The following SKA3 variants were observed in gnomAD, a reference collection of about 807,000 sequenced individuals.
SKA3 encodes the protein spindle and kinetochore-associated protein 3.
Under a neutral mutation model 44.2 loss-of-function variants are expected in SKA3, and 39 were observed. The observed-to-expected ratio is 0.88, with a 90% CI of 0.68 to 1.15. The LOEUF (loss-of-function observed/expected upper bound fraction) is 1.15. Among genes scored for constraint, SKA3 ranks in the 50% most tolerant of loss-of-function variants. The probability of loss-of-function intolerance (pLI) is 0.00; values close to 1 mark genes in which losing one functional copy is unlikely to be tolerated. For missense variants in SKA3, 511 were observed against 485.8 expected (o/e 1.05, Z -0.49); for synonymous variants, 192 against 172.0 (o/e 1.12, Z -0.91).
At position 21,155,066 on chromosome 13, in the gene SKA3, G is replaced by C; in HGVS notation, c.*84C>G. The C allele has an allele frequency of 2.5e-6, 4 of 1,598,320 alleles. No homozygotes were observed. Among genetic ancestry groups the C allele is most frequent in the Non-Finnish European group, 3.4e-6 (4 of 1,170,082 alleles). ...CAACGTTTAAAGGGGGACAGAGGCA[G>C]GGCAATGTGAATGTTAAAATCGGTC... On this transcript the variant is annotated 3_prime_UTR_variant, in exon 9 of 9. Coordinates refer to ENST00000314759, the MANE Select transcript of SKA3 (RefSeq NM_145061.6).
At chr13:21,171,564 C>CAAA (rs1248616104) in intron 3 of SKA3, among the ~76,000 whole-genome samples, 1 of 112,726 alleles carries the variant, frequency 8.9e-6, no homozygotes. Flanking sequence ...GACTCCATCT[C>CAAA]AAAAAAAAAA....
Position 21,158,013 on chromosome 13 carries a change from T to G in SKA3, c.1028A>C (p.Asp343Ala), listed in dbSNP as rs908834307. The G allele has an allele frequency of 8.5e-5, 137 of 1,613,144 alleles. No homozygotes were observed. The highest frequency in any genetic ancestry group is 1.1e-4 in the Non-Finnish European group (133 of 1,179,304). Reference protein sequence around the residue: ...NSDTCFENLTDPSSPTISSYE... With the variant: ...NSDTCFENLTAPSSPTISSYE... ...AGAAGAAATCGTAGGTGAAGAGGGA[T>G]CTGTTAAATTCTCAAAGCATGTGTC... The change falls in exon 7 of 9, where the codon GAT (aspartate) becomes GCT (alanine). Residue 343 changes from aspartate to alanine, a missense_variant. By Grantham distance (126) the Asp-to-Ala change is moderately radical. Coordinates refer to ENST00000314759, the MANE Select transcript of SKA3 (RefSeq NM_145061.6).
intron 7 of SKA3, 33 bp downstream of exon 7, chr13:21,157,889 C>CCAAA: frequency 3.3e-6 from 4 of 1,214,288 alleles, no homozygotes; most frequent in Non-Finnish European, 4.5e-6. Flanking sequence ...AGAATATCAG[C>CCAAA]AAAAAAAAAA....
At chr13:21,155,542 G>C in intron 8 of SKA3, 151 bp downstream of exon 8, 1 of 589,804 alleles carries the variant, frequency 1.7e-6, no homozygotes, top group Non-Finnish European at 3.0e-6. Flanking sequence ...GAGTAGCTGG[G>C]ACTACAGGTG....
rs1276561458 is a variant in SKA3, at chr13:21,168,321, T to G, written c.410A>C (p.Asp137Ala). Residue 137 changes from aspartate to alanine, a missense_variant, in exon 4 of 9, where the codon GAT (aspartate) becomes GCT (alanine). Coordinates refer to ENST00000314759, the MANE Select transcript of SKA3 (RefSeq NM_145061.6). ...ENFQKTDVKD[D>A]LSDPPVASSC... ...GCTTGCAACAGGAGGATCAGACAGA[T>G]CATCTTTCACATCAGTCTTCTGAAA... is the stretch of plus-strand genomic sequence containing the variant. 6.2e-7 allele frequency: 1 copy of G among 1,614,158 alleles called. No individual in the cohort carries two copies. Among genetic ancestry groups the G allele is most frequent in the Admixed American group, 1.7e-5 (1 of 60,016 alleles).
intron 4 of SKA3, among the ~76,000 whole-genome samples, chr13:21,162,528 G>C (rs184221668): frequency 2.0e-4 from 30 of 152,050 alleles, no homozygotes; most frequent in African/African-American, 7.0e-4. Flanking sequence ...ACTGCGCCTG[G>C]CTAATGTTTG....
rs771827485 is a variant in SKA3 at position 21,158,080 on chromosome 13, C to T, written c.961G>A (p.Asp321Asn). 6.2e-7 allele frequency: 1 copy of T among 1,612,622 alleles called. No individual in the cohort carries two copies. The highest frequency in any genetic ancestry group is 1.1e-5 in the South Asian group (1 of 91,036). The stretch of plus-strand genomic sequence containing the variant: ...GAAGTACGATCTTCAACTTCCAAAT[C>T]ATTTGATGAACTATTTGTTTTTGAT... ...PLSKTNSSSNDLEVEDRTSLV... is the reference protein window; with the variant it reads ...PLSKTNSSSNNLEVEDRTSLV... Residue 321 changes from aspartate to asparagine, a missense_variant, in exon 7 of 9, where the codon GAT (aspartate) becomes AAT (asparagine). Physicochemically the swap from Asp to Asn is conservative, Grantham distance 23 (BLOSUM62 1). Coordinates refer to ENST00000314759, the MANE Select transcript of SKA3 (RefSeq NM_145061.6).
chr13:21,172,506 T>TCTTTCCTC lies in SKA3; in HGVS notation c.166-3_166-2insGAGGAAAG. The TCTTTCCTC allele has an allele frequency of 8.2e-7, 1 of 1,221,052 alleles. No individual in the cohort carries two copies. The highest frequency in any genetic ancestry group is 1.7e-5 in the South Asian group (1 of 57,672). The allele number at this position is 1,221,052 out of a possible 1,614,324, so 75.6% of individuals were successfully genotyped here. On this transcript the variant is annotated splice_region_variant and splice_polypyrimidine_tract_variant and intron_variant, in intron 2 of 8. Transcript: ENST00000314759. Reference sequence around the variant, plus strand: ...ATCAAGAAGAATATTAACATCATCCTTTTATGAATAAAGAAAGTACATTTT... The same window carrying TCTTTCCTC: ...ATCAAGAAGAATATTAACATCATCCTCTTTCCTCTTTATGAATAAAGAAAGTACATTTT...
At chr13:21,168,492 C>A in intron 3 of SKA3, 93 bp from the exon 4 acceptor site, 1 of 1,011,988 alleles carries the variant, frequency 9.9e-7, no homozygotes, top group Non-Finnish European at 1.4e-6. Flanking sequence ...TGAAATTTCC[C>A]AAATCAGCAA....
intron 3 of SKA3, among the ~76,000 whole-genome samples, chr13:21,170,909 T>TTGTTTGTA (rs1871002507): frequency 6.6e-6 from 1 of 150,476 alleles, no homozygotes; most frequent in South Asian, 2.1e-4. Flanking sequence ...TATGGGTTGT[T>TTGTTTGTA]TGTATGTATG....
In SKA3 at chr13:21,154,146, T is replaced by A. The variant is rs1404068516; in HGVS notation, c.*1004A>T. 6.6e-6 allele frequency: 1 copy of A among 152,178 alleles called. No homozygotes were observed. Among genetic ancestry groups the A allele is most frequent in the African/African-American group, 2.4e-5 (1 of 41,448 alleles). 9.4% of individuals were successfully genotyped at this position (152,178 alleles called of 1,614,324 possible). A position where few individuals can be genotyped will look rare whatever the true frequency, so the allele number is the denominator to read the frequency against. On this transcript the variant is annotated 3_prime_UTR_variant, in exon 9 of 9. Coordinates refer to ENST00000314759, the MANE Select transcript of SKA3 (RefSeq NM_145061.6). Reference sequence around the variant, plus strand: ...CTTTGAAGTAAGTTGACATAATACTTGTTGTTTCTTCTCAAATTTTTAATG... The same window carrying A: ...CTTTGAAGTAAGTTGACATAATACTAGTTGTTTCTTCTCAAATTTTTAATG...
intron 1 of SKA3, among the ~76,000 whole-genome samples, chr13:21,173,403 T>C (rs970871513): frequency 6.6e-6 from 1 of 152,142 alleles, no homozygotes; most frequent in Non-Finnish European, 1.5e-5. Flanking sequence ...ACTACAGGTG[T>C]GCGCCACTAC....
chr13:21,167,581 A>G (rs1489910955), intron 4 of SKA3, among the ~76,000 whole-genome samples: 2 of 152,132 alleles, frequency 1.3e-5, no homozygotes, highest in Admixed American at 6.5e-5. Context: ...CCTGGCTAAC[A>G]TGGTGAAACC....
intron 4 of SKA3, 59 bp downstream of exon 4, chr13:21,167,929 A>C (rs1184743549): frequency 1.7e-6 from 2 of 1,174,620 alleles, no homozygotes; most frequent in Non-Finnish European, 2.1e-6. Flanking sequence ...AAAAAAAATC[A>C]ATAAATACAA....
chr13:21,173,246 C>CTTTA (rs1195356930), intron 1 of SKA3, among the ~76,000 whole-genome samples: 1 of 152,118 alleles, frequency 6.6e-6, no homozygotes, highest in African/African-American at 2.4e-5. Context: ...CAAGGGTAAA[C>CTTTA]TTTAGCCTGA....
Position 21,168,382 on chromosome 13 carries a change from T to C in SKA3, c.349A>G (p.Ile117Val), listed in dbSNP as rs1870853079. Residue 117 changes from isoleucine (I) to valine (V), a missense_variant, in exon 4 of 9, where the codon ATT (isoleucine) becomes GTT (valine). By Grantham distance (29) the Ile-to-Val change is conservative (BLOSUM62 3). Transcript: ENST00000314759. ...KKNSVHEQEA[I>V]NSDPELSNCE... ...TTAGACAACTCTGGGTCAGAGTTAA[T>C]GGCTTCTTGCTCGTGTACTAGGAGG... The C allele has an allele frequency of 1.2e-6, 2 of 1,609,368 alleles. No homozygotes were observed. The highest frequency in any genetic ancestry group is 1.7e-6 in the Non-Finnish European group (2 of 1,177,590).
At chr13:21,166,188 T>A (rs1870702596) in intron 4 of SKA3, among the ~76,000 whole-genome samples, 1 of 151,898 alleles carries the variant, frequency 6.6e-6, no homozygotes, top group South Asian at 2.1e-4. Context: ...CAGCTAGTTT[T>A]TCATATTTTT....
At chr13:21,173,732 C>T (rs577493704) in intron 1 of SKA3, among the ~76,000 whole-genome samples, 2 of 152,290 alleles carry the variant, frequency 1.3e-5, no homozygotes, top group Non-Finnish European at 2.9e-5. Context: ...CTGCGTGATA[C>T]CATATTTATT....
chr13:21,154,881 C>A lies in SKA3; in HGVS notation c.*269G>T. On this transcript the variant is annotated 3_prime_UTR_variant, in exon 9 of 9. Transcript: ENST00000314759. ...ACTTCCTGGTACTACTTAAACCATT[C>A]TGTTGATTAAGCTGGGTAATTTAGT... 1 of 570,638 alleles carries A rather than the reference C, an allele frequency of 1.8e-6. No homozygotes were observed. The highest frequency in any genetic ancestry group is 3.1e-6 in the Non-Finnish European group (1 of 327,226). 35.3% of individuals were successfully genotyped at this position (570,638 alleles called of 1,614,324 possible).
Sources: allele counts gnomAD v4.1 joint callset (sites outside exome capture counted in the v4.1 genomes callset), GRCh38; gene constraint gnomAD v4.1.1; transcripts MANE v1.5; gene names NCBI Gene and HGNC (gene_info 2026-07-23, HGNC 2026-07-21).